Variants in PSD3 observed in about 807,000 individuals in gnomAD.
The protein encoded by PSD3 is pleckstrin and Sec7 domain containing 3.
In PSD3, 49 loss-of-function variants were observed where a neutral mutation model predicts 105.5. The observed-to-expected ratio is 0.46, with a 90% CI of 0.37 to 0.59. The LOEUF (loss-of-function observed/expected upper bound fraction) is 0.59. Among genes scored for constraint, PSD3 ranks in the 20% least tolerant of loss-of-function variants. The pLI is 0.00. For synonymous variants in PSD3, 557 were observed against 457.8 expected, an observed-to-expected ratio of 1.22 and a Z score of -2.77; for missense variants, 1,561 against 1,263.8, an observed-to-expected ratio of 1.24 and a Z score of -3.57.
chr8:18,687,142 C>T (rs901410770), intron 9 of PSD3, among the ~76,000 whole-genome samples: 2 of 152,194 alleles, frequency 1.3e-5, no homozygotes, highest in Non-Finnish European at 2.9e-5. Context: ...CCTTCTCTAT[C>T]GGCTCTCACG....
chr8:18,600,607 G>A (rs768432282), intron 11 of PSD3, among the ~76,000 whole-genome samples, 173 bp from the exon 12 acceptor site: 1 of 152,156 alleles, frequency 6.6e-6, no homozygotes, highest in Non-Finnish European at 1.5e-5. Flanking sequence ...ATTCTAAAAT[G>A]TTTTCCATAT....
At chr8:18,804,373 T>C (rs1012081297) in intron 6 of PSD3, 149 bp downstream of exon 6, 3 of 678,054 alleles carry the variant, frequency 4.4e-6, no homozygotes, top group African/African-American at 1.8e-5. Flanking sequence ...ACAACACTTA[T>C]GGACCCAAAC....
chr8:19,034,962 CCT>C (rs1249387004), intron 1 of PSD3, among the ~76,000 whole-genome samples: 1 of 152,102 alleles, frequency 6.6e-6, no homozygotes, highest in African/African-American at 2.4e-5. Context: ...TTTTTTGAGG[CCT>C]CTTTCATTCT....
At chr8:18,760,369 G>A (rs547674903) in intron 9 of PSD3, among the ~76,000 whole-genome samples, 1 of 151,916 alleles carries the variant, frequency 6.6e-6, no homozygotes, top group Non-Finnish European at 1.5e-5. Flanking sequence ...TATTTATATA[G>A]TCGAAAGGAA....
intron 1 of PSD3, among the ~76,000 whole-genome samples, chr8:18,946,755 G>T (rs1822880943): frequency 6.6e-6 from 1 of 151,320 alleles, no homozygotes; most frequent in South Asian, 2.1e-4. Context: ...AAATACAAAA[G>T]TTAGCTAGGT....
chr8:18,744,407 C>CCA (rs1554487132), intron 9 of PSD3, among the ~76,000 whole-genome samples: 1 of 152,190 alleles, frequency 6.6e-6, no homozygotes, highest in Non-Finnish European at 1.5e-5. Flanking sequence ...GCCATCCATA[C>CCA]CACTACTCAT....
At chr8:18,915,747 G>C (rs563268301) in intron 2 of PSD3, among the ~76,000 whole-genome samples, 1 of 152,132 alleles carries the variant, frequency 6.6e-6, no homozygotes. Context: ...AGCCATGTGG[G>C]AAGAAGGGGA....
intron 4 of PSD3, chr8:18,865,177 G>A (rs1362268680): frequency 7.6e-6 from 1 of 132,200 alleles, no homozygotes; most frequent in African/African-American, 2.8e-5. Context: ...AGACAGCCAC[G>A]TGGCTTTGGG....
intron 4 of PSD3, among the ~76,000 whole-genome samples, chr8:18,857,318 G>A (rs1320232725): frequency 6.6e-6 from 1 of 152,132 alleles, no homozygotes; most frequent in African/African-American, 2.4e-5. Context: ...GGATCACCTG[G>A]GAATGTGTTA....
At chr8:18,748,267 G>C (rs1364525255) in intron 9 of PSD3, among the ~76,000 whole-genome samples, 2 of 152,120 alleles carry the variant, frequency 1.3e-5, no homozygotes, top group African/African-American at 4.8e-5. Context: ...CCTTTGTATA[G>C]ATGCATGCTT....
chr8:18,594,438 T>C (rs1803940506), intron 12 of PSD3, among the ~76,000 whole-genome samples: 1 of 125,144 alleles, frequency 8.0e-6, no homozygotes. Context: ...ATATAATATA[T>C]TATATTATTT....
At chr8:18,763,759 C>A (rs1263834857) in intron 9 of PSD3, among the ~76,000 whole-genome samples, 1 of 152,054 alleles carries the variant, frequency 6.6e-6, no homozygotes, top group Non-Finnish European at 1.5e-5. Context: ...CCCATTCCTA[C>A]TGAAATGGAA....
chr8:18,899,702 G>T (rs1473816101), intron 2 of PSD3, among the ~76,000 whole-genome samples: 1 of 152,068 alleles, frequency 6.6e-6, no homozygotes, highest in Non-Finnish European at 1.5e-5. Context: ...TCCCTTACTG[G>T]CAAGGTACTT....
chr8:18,790,864 C>T (rs1021076558), intron 8 of PSD3, among the ~76,000 whole-genome samples: 4 of 151,830 alleles, frequency 2.6e-5, no homozygotes, highest in African/African-American at 7.3e-5. Flanking sequence ...AGGTGATAAG[C>T]AACCTTGGCG....
chr8:18,826,629 C>T (rs1813207143), intron 4 of PSD3, among the ~76,000 whole-genome samples: 1 of 152,280 alleles, frequency 6.6e-6, no homozygotes, highest in African/African-American at 2.4e-5. Flanking sequence ...GATTTTGGAA[C>T]ATCTACTGTG....
chr8:18,813,297 A>G (rs1386988134), intron 4 of PSD3, among the ~76,000 whole-genome samples: 2 of 152,090 alleles, frequency 1.3e-5, no homozygotes, highest in Admixed American at 6.5e-5. Flanking sequence ...AGAAACAAGC[A>G]CTCGTGGAAG....
Position 18,872,621 on chromosome 8 carries a change from A to C in PSD3, c.243T>G (p.Gly81=). The change falls in exon 3 of 16, where the codon GGT becomes GGG. Residue 81 remains glycine (G), a synonymous_variant. Transcript: ENST00000327040. ...CTTGTGGGTGGCATGGCAGAGCCTC[A>C]CCATCAAATTCCAGAGAAGCCCTTA... ...EGLRASLEFD[G]EALPCHPQEQ... is the part of the protein sequence containing the mutation. The C allele has an allele frequency of 2.5e-6, 4 of 1,614,010 alleles. No individual in the cohort carries two copies. The highest frequency in any genetic ancestry group is 3.4e-6 in the Non-Finnish European group (4 of 1,179,978).
chr8:19,018,015 G>C (rs1367167987), upstream of PSD3, among the ~76,000 whole-genome samples: 1 of 152,192 alleles, frequency 6.6e-6, no homozygotes, highest in East Asian at 1.9e-4. Flanking sequence ...ATTCCTACCA[G>C]AGCAATGTAT....
intron 2 of PSD3, among the ~76,000 whole-genome samples, chr8:18,916,296 T>TGATA (rs1820580187): frequency 1.7e-4 from 5 of 28,916 alleles, no homozygotes; most frequent in African/African-American, 6.6e-4. Flanking sequence ...TTAAAAAAAG[T>TGATA]GATATATATA....
Sources: gnomAD v4.1 joint callset for allele counts (sites outside exome capture counted in the v4.1 genomes callset) on GRCh38, gnomAD v4.1.1 for gene constraint, MANE v1.5 for transcripts, NCBI Gene and HGNC (gene_info 2026-07-23, HGNC 2026-07-21) for gene names.